CPSF7: variants seen among roughly 807,000 people sequenced by gnomAD.
The protein encoded by CPSF7 is cleavage and polyadenylation specificity factor subunit 7.
CPSF7 carries 1 observed loss-of-function variant against 44.3 expected under a neutral mutation model. That is an observed-to-expected ratio of 0.02 (90% CI 0.01 to 0.11). The LOEUF is 0.11. CPSF7 is among the 10% of genes least tolerant of loss of function. The probability of loss-of-function intolerance (pLI) is 1.00; values close to 1 mark genes in which losing one functional copy is unlikely to be tolerated. For missense variants in CPSF7, 443 were observed against 607.2 expected, an observed-to-expected ratio of 0.73 and a Z score of 2.84; for synonymous variants, 202 against 222.0, an observed-to-expected ratio of 0.91 and a Z score of 0.80.
In CPSF7 at chr11:61,411,897, A is replaced by G. The variant is rs1590681740; in HGVS notation, c.1098T>C (p.Ile366=). 1.2e-5 allele frequency: 20 copies of G among 1,614,096 alleles called. No homozygotes were observed. The East Asian group carries it at 3.8e-4, about 31-fold the overall frequency. Residue 366 remains isoleucine (I), a synonymous_variant, in exon 8 of 10, where the codon ATT becomes ATC. Transcript: ENST00000439958. ...CAACCCGGGACTGTTTGATAACCGC[A>G]ATGGCTGTGAGCAGCGTCTCAATTG... ...SDAIETLLTA[I]AVIKQSRVAN...
At chr11:61,412,424 G>T (rs1859937694) in intron 7 of CPSF7, among the ~76,000 whole-genome samples, 1 of 151,786 alleles carries the variant, frequency 6.6e-6, no homozygotes, top group South Asian at 2.1e-4. Flanking sequence ...TGAGTAGCTG[G>T]GACTACAGGC....
At chr11:61,423,417 C>T (rs11230693) in intron 2 of CPSF7, among the ~76,000 whole-genome samples, 5,783 of 152,034 alleles carry the variant, frequency 0.038, 383 homozygotes, top group African/African-American at 0.13. Flanking sequence ...GTGATCTGCC[C>T]ACCTCGGCCT....
chr11:61,422,487 A>G (rs530085307), intron 2 of CPSF7, among the ~76,000 whole-genome samples: 6 of 151,998 alleles, frequency 3.9e-5, no homozygotes, highest in African/African-American at 1.4e-4. Context: ...GCTAATTTTC[A>G]AATTTTTTTT....
At chr11:61,404,888 T>C (rs2135221573) in intron 9 of CPSF7, among the ~76,000 whole-genome samples, 184 bp from the exon 10 acceptor site, 1 of 152,136 alleles carries the variant, frequency 6.6e-6, no homozygotes, top group East Asian at 1.9e-4. Context: ...TGGTGAGGAA[T>C]GGCTGGAGGA....
At chr11:61,420,313 C>T (rs1860745652) in intron 4 of CPSF7, among the ~76,000 whole-genome samples, 157 bp downstream of exon 4, 1 of 152,188 alleles carries the variant, frequency 6.6e-6, no homozygotes, top group Non-Finnish European at 1.5e-5. Context: ...TATTCTACTA[C>T]ACTGCAGCTA....
chr11:61,426,415 G>A (rs1051750878), intron 2 of CPSF7: 1 of 152,052 alleles, frequency 6.6e-6, no homozygotes, highest in Admixed American at 6.5e-5. Flanking sequence ...GTGTGTGGGG[G>A]GGAAGCACTC....
chr11:61,405,463 T>G lies in CPSF7; in HGVS notation c.*6-759A>C, dbSNP rs149824828. ...CCAGGCCAGAACAGAAAGCAGAGCA[T>G]GGAAGAAACCTAAATGCAGTTAAGA... is the stretch of plus-strand genomic sequence containing the variant. On this transcript the variant is annotated intron_variant, in intron 9 of 9. Transcript: ENST00000439958. Among the ~76,000 whole-genome samples, 6 of 152,226 alleles carry G rather than the reference T, an allele frequency of 3.9e-5. No homozygotes were observed. The East Asian group carries it at 1.2e-3, about 29-fold the overall frequency.
intron 1 of CPSF7, chr11:61,429,585 T>G: frequency 1.4e-6 from 1 of 712,176 alleles, no homozygotes; most frequent in Non-Finnish European, 2.2e-6. Flanking sequence ...AGGACGGCGT[T>G]GCGAAGAATG....
intron 5 of CPSF7, among the ~76,000 whole-genome samples, chr11:61,418,289 T>C (rs1277145765): frequency 6.6e-6 from 1 of 152,194 alleles, no homozygotes; most frequent in African/African-American, 2.4e-5. Context: ...GATGAAACTT[T>C]GCTGTTCCTC....
Position 61,419,987 on chromosome 11 carries a change from C to A in CPSF7, c.485G>T (p.Arg162Leu). The change falls in exon 5 of 10, where the codon CGG (arginine) becomes CTG (leucine). Residue 162 changes from arginine (R) to leucine (L), a missense_variant. By Grantham distance (102) the Arg-to-Leu change is moderately radical (BLOSUM62 -2). Coordinates refer to ENST00000439958, the MANE Select transcript of CPSF7 (RefSeq NM_001142565.3). Reference sequence around the variant, plus strand: ...TGCCTCAAACTGTGACAGGTTCTGCCGGGTGGCCGGCCTCACGTCCACTTT... The same window carrying A: ...TGCCTCAAACTGTGACAGGTTCTGCAGGGTGGCCGGCCTCACGTCCACTTT... ...GEKVDVRPAT[R>L]QNLSQFEAQA... 1 of 1,614,204 alleles carries A rather than the reference C, an allele frequency of 6.2e-7. No individual in the cohort carries two copies. The highest frequency in any genetic ancestry group is 8.5e-7 in the Non-Finnish European group (1 of 1,180,040).
chr11:61,421,251 A>T (rs1450470278), intron 3 of CPSF7, 139 bp downstream of exon 3: 1 of 1,007,176 alleles, frequency 9.9e-7, no homozygotes, highest in East Asian at 2.6e-5. Context: ...TCAGAGATCA[A>T]TCCAACCTGA....
At position 61,411,007 on chromosome 11, in the gene CPSF7, T is replaced by A. The variant is rs1859800915; in HGVS notation, c.1325A>T (p.Tyr442Phe). The A allele has an allele frequency of 6.2e-7, 1 of 1,613,772 alleles. No individual in the cohort carries two copies. The highest frequency in any genetic ancestry group is 1.1e-5 in the South Asian group (1 of 91,060). Reference protein sequence around the residue: ...LLHNEDRHDDYFQERNREHER... With the variant: ...LLHNEDRHDDFFQERNREHER... Reference sequence around the variant, plus strand: ...ATGCTCCCGGTTCCTTTCTTGGAAATAATCATCATGCCGATCTTCATTATG... The same window carrying A: ...ATGCTCCCGGTTCCTTTCTTGGAAAAAATCATCATGCCGATCTTCATTATG... Residue 442 changes from tyrosine to phenylalanine, a missense_variant, in exon 9 of 10, where the codon TAT becomes TTT. Transcript: ENST00000439958.
intron 9 of CPSF7, among the ~76,000 whole-genome samples, chr11:61,410,325 C>A (rs1337930536): frequency 6.6e-6 from 1 of 152,182 alleles, no homozygotes; most frequent in Non-Finnish European, 1.5e-5. Flanking sequence ...CTCAAACAAT[C>A]CTCCCATCTT....
chr11:61,427,306 AAATT>A (rs1303705684), intron 2 of CPSF7: 2 of 152,100 alleles, frequency 1.3e-5, no homozygotes, highest in Non-Finnish European at 2.9e-5. Context: ...TTTTGTAACT[AAATT>A]AACATCTAGA....
chr11:61,411,739 TGGTA>T (rs1859865740), intron 8 of CPSF7, 26 bp downstream of exon 8: 1 of 1,594,684 alleles, frequency 6.3e-7, no homozygotes, highest in Non-Finnish European at 8.6e-7. Context: ...TGCTTGGGGC[TGGTA>T]GGTGAGGACA....
At chr11:61,425,144 G>C (rs556892335) in intron 2 of CPSF7, among the ~76,000 whole-genome samples, 56 of 152,336 alleles carry the variant, frequency 3.7e-4, no homozygotes, top group African/African-American at 1.3e-3. Context: ...CTGGGCCACA[G>C]AGCCTCAGTT....
intron 9 of CPSF7, among the ~76,000 whole-genome samples, chr11:61,409,298 C>G (rs1405160095): frequency 1.3e-5 from 2 of 151,824 alleles, no homozygotes; most frequent in Admixed American, 1.3e-4. Context: ...ATGATGAAAC[C>G]CCGTCTCTAC....
At chr11:61,409,713 C>T (rs1168032743) in intron 9 of CPSF7, among the ~76,000 whole-genome samples, 3 of 151,148 alleles carry the variant, frequency 2.0e-5, no homozygotes, top group Non-Finnish European at 2.9e-5. Context: ...TGGTGGCTCA[C>T]GCCTGTAATC....
intron 9 of CPSF7, among the ~76,000 whole-genome samples, chr11:61,408,753 A>G (rs1224077884): frequency 2.0e-5 from 3 of 152,224 alleles, no homozygotes; most frequent in Non-Finnish European, 4.4e-5. Flanking sequence ...AACAGAGAAA[A>G]GCAGAGCTGA....
Sources: gnomAD v4.1 joint callset for allele counts (sites outside exome capture counted in the v4.1 genomes callset) on GRCh38, gnomAD v4.1.1 for gene constraint, MANE v1.5 for transcripts, NCBI Gene and HGNC (gene_info 2026-07-23, HGNC 2026-07-21) for gene names.